The following CEP128 variants were observed in gnomAD, a reference collection of about 807,000 sequenced individuals.
The protein encoded by CEP128 is centrosomal protein 128, also known as centrosomal protein 128kDa.
In CEP128, 132 loss-of-function variants were observed where a neutral mutation model predicts 156.7. The ratio of observed to expected loss-of-function variants is 0.84; its 90% CI spans 0.73 to 0.97. CEP128 has a LOEUF of 0.97. Ranked by LOEUF, CEP128 falls within the 50% of genes least tolerant of loss-of-function variation. The pLI is 0.00. For missense variants in CEP128, 1,252 were observed against 1,281.9 expected, an observed-to-expected ratio of 0.98 and a Z score of 0.36; for synonymous variants, 469 against 448.9, an observed-to-expected ratio of 1.04 and a Z score of -0.57.
chr14:80,813,293 T>C (rs900372722), intron 13 of CEP128, among the ~76,000 whole-genome samples: 1 of 152,206 alleles, frequency 6.6e-6, no homozygotes, highest in Admixed American at 6.5e-5. Flanking sequence ...TTGCCAGGGC[T>C]TACGTACATG....
At chr14:80,754,258 A>G (rs929316632) in intron 18 of CEP128, among the ~76,000 whole-genome samples, 2 of 152,070 alleles carry the variant, frequency 1.3e-5, no homozygotes, top group Non-Finnish European at 2.9e-5. Flanking sequence ...CATTCATCAA[A>G]TTGCTTCTGT....
In CEP128 at chr14:80,530,816, T is replaced by C; in HGVS notation, c.2951A>G (p.Asp984Gly). ...EKLSLLEDFK[D>G]FRDSCSSSER... Reference sequence around the variant, plus strand: ...AAGCCAACTCTTTCTCACTCTGAAGTCTTTGAAATCTTCTAGTAGGCTCAG... The same window carrying C: ...AAGCCAACTCTTTCTCACTCTGAAGCCTTTGAAATCTTCTAGTAGGCTCAG... Residue 984 changes from aspartate to glycine, a missense_variant, in exon 22 of 25, where the codon GAC becomes GGC. Physicochemically the swap from Asp to Gly is moderately conservative, Grantham distance 94. Coordinates refer to ENST00000555265, the MANE Select transcript of CEP128 (RefSeq NM_152446.5). 1 of 1,602,752 alleles carries C rather than the reference T, an allele frequency of 6.2e-7. No individual in the cohort carries two copies. The highest frequency in any genetic ancestry group is 2.2e-5 in the East Asian group (1 of 44,466).
chr14:80,938,309 C>T (rs992754830), intron 2 of CEP128, among the ~76,000 whole-genome samples: 17 of 143,268 alleles, frequency 1.2e-4, no homozygotes, highest in African/African-American at 2.6e-4. Flanking sequence ...TGCAGTGGCG[C>T]GATCTCTGCT....
Position 80,777,977 on chromosome 14 carries a change from A to G in CEP128, c.2281T>C (p.Cys761Arg). The G allele has an allele frequency of 4.3e-6, 7 of 1,613,188 alleles. No individual in the cohort carries two copies. The highest frequency in any genetic ancestry group is 5.9e-6 in the Non-Finnish European group (7 of 1,179,544). ...RGQLEKLKSQ[C>R]DRLTEELTQN... ...GTTAATTCCTCTGTCAGTCTGTCAC[A>G]CTGTGATTTCAACTTCTCCAGCTGA... Residue 761 changes from cysteine (C) to arginine (R), a missense_variant, in exon 16 of 25, where the codon TGT becomes CGT. Transcript: ENST00000555265.
intron 19 of CEP128, among the ~76,000 whole-genome samples, chr14:80,624,152 A>T (rs1893608205): frequency 1.3e-5 from 2 of 152,102 alleles, no homozygotes; most frequent in African/African-American, 4.8e-5. Flanking sequence ...TTTAGTTCTC[A>T]CATATGAGTG....
At chr14:80,616,074 A>G (rs1287489983) in intron 19 of CEP128, among the ~76,000 whole-genome samples, 1 of 152,228 alleles carries the variant, frequency 6.6e-6, no homozygotes, top group Non-Finnish European at 1.5e-5. Flanking sequence ...TGCTTTACTT[A>G]GAAAAGAGTA....
chr14:80,922,144 T>C (rs1185106509), intron 2 of CEP128, among the ~76,000 whole-genome samples: 1 of 152,204 alleles, frequency 6.6e-6, no homozygotes, highest in Admixed American at 6.5e-5. Context: ...TAACAAGCTG[T>C]CGACCTGGAA....
At chr14:80,896,804 A>G (rs1327570260) in intron 7 of CEP128, among the ~76,000 whole-genome samples, 1 of 152,072 alleles carries the variant, frequency 6.6e-6, no homozygotes, top group Non-Finnish European at 1.5e-5. Context: ...CAAACCATCT[A>G]TTTCACTCTT....
intron 18 of CEP128, among the ~76,000 whole-genome samples, chr14:80,744,902 C>T (rs1187651081): frequency 6.6e-6 from 1 of 152,114 alleles, no homozygotes; most frequent in Non-Finnish European, 1.5e-5. Context: ...CTGCCATTTC[C>T]CCAGGTCACT....
intron 8 of CEP128, among the ~76,000 whole-genome samples, chr14:80,865,087 A>ACCCTG (rs1212425905): frequency 2.0e-5 from 3 of 151,802 alleles, no homozygotes; most frequent in South Asian, 4.2e-4. Flanking sequence ...ACCCCTCCCA[A>ACCCTG]CCCTGCCCTG....
chr14:80,625,730 TTTCC>T (rs546499252), intron 19 of CEP128, among the ~76,000 whole-genome samples: 87 of 151,830 alleles, frequency 5.7e-4, no homozygotes, highest in South Asian at 1.0e-3. Flanking sequence ...CCCTTCCCCT[TTTCC>T]TTCCTTCCTT....
intron 20 of CEP128, among the ~76,000 whole-genome samples, chr14:80,572,687 G>C (rs1316993519): frequency 7.8e-6 from 1 of 127,862 alleles, no homozygotes; most frequent in Non-Finnish European, 1.7e-5. Context: ...ATAATGTGTT[G>C]AGATTTGAAA....
chr14:80,558,715 G>A (rs539022230), intron 21 of CEP128, among the ~76,000 whole-genome samples: 11 of 152,224 alleles, frequency 7.2e-5, no homozygotes, highest in East Asian at 3.9e-4. Context: ...GAGCTACTGC[G>A]CCTGGCCAAA....
chr14:80,661,266 T>C (rs1895391471), intron 19 of CEP128, among the ~76,000 whole-genome samples: 1 of 152,184 alleles, frequency 6.6e-6, no homozygotes, highest in African/African-American at 2.4e-5. Context: ...AACAATGCCA[T>C]GGCATTATTT....
chr14:80,628,369 G>A (rs1182207948), intron 19 of CEP128, among the ~76,000 whole-genome samples: 1 of 152,170 alleles, frequency 6.6e-6, no homozygotes, highest in African/African-American at 2.4e-5. Flanking sequence ...TTTAGATAGA[G>A]TGTCAAGTAT....
intron 2 of CEP128, among the ~76,000 whole-genome samples, chr14:80,952,929 C>T (rs927900319): frequency 4.6e-5 from 7 of 152,158 alleles, no homozygotes; most frequent in Non-Finnish European, 8.8e-5. Flanking sequence ...ATGACACAAA[C>T]TGCCCAGGCT....
chr14:80,625,326 T>A (rs1467037884), intron 19 of CEP128, among the ~76,000 whole-genome samples: 1 of 152,216 alleles, frequency 6.6e-6, no homozygotes, highest in Non-Finnish European at 1.5e-5. Context: ...TTTATACCAA[T>A]ATCACATTAT....
intron 14 of CEP128, among the ~76,000 whole-genome samples, chr14:80,790,666 C>T (rs1338368689): frequency 4.3e-4 from 65 of 151,540 alleles, no homozygotes. Flanking sequence ...TATCTGATAA[C>T]CTTACTAAGA....
intron 20 of CEP128, among the ~76,000 whole-genome samples, chr14:80,567,299 GGTATGT>G (rs1258781679): frequency 1.3e-5 from 2 of 152,030 alleles, no homozygotes; most frequent in Non-Finnish European, 2.9e-5. Context: ...ATTGAAGTGG[GGTATGT>G]GTACGGGTTT....
Sources: gnomAD v4.1 joint callset for allele counts (sites outside exome capture counted in the v4.1 genomes callset) on GRCh38, gnomAD v4.1.1 for gene constraint, MANE v1.5 for transcripts, NCBI Gene and HGNC (gene_info 2026-07-23, HGNC 2026-07-21) for gene names.